CPAP: variants seen among roughly 807,000 people sequenced by gnomAD.
CPAP encodes the protein centrosome assembly and centriole elongation protein.
the CPAP span, chr13:24,905,811 C>A: frequency 1.9e-6 from 3 of 1,614,054 alleles, no homozygotes; most frequent in Middle Eastern, 1.6e-4. Context: ...GTCCTGGTGT[C>A]CTTAAAAGGC....
chr13:24,905,856 T>G, the CPAP span: 3 of 1,614,218 alleles, frequency 1.9e-6, no homozygotes, highest in Non-Finnish European at 2.5e-6. Flanking sequence ...CTATCCTCTC[T>G]GCTGCTGATG....
chr13:24,906,862 A>T, the CPAP span: 2 of 1,614,172 alleles, frequency 1.2e-6, no homozygotes, highest in South Asian at 1.1e-5. Flanking sequence ...TGCCTTTTTG[A>T]AACTTAGATT....
the CPAP span, among the ~76,000 whole-genome samples, chr13:24,920,167 C>T: frequency 6.6e-6 from 1 of 152,180 alleles, no homozygotes; most frequent in Non-Finnish European, 1.5e-5. Flanking sequence ...CTGTTTCCCT[C>T]GCTGATTCAT....
the CPAP span, among the ~76,000 whole-genome samples, chr13:24,917,655 A>C: frequency 6.6e-6 from 1 of 152,236 alleles, no homozygotes; most frequent in African/African-American, 2.4e-5. Context: ...AAAACAGTAC[A>C]AGTTACAGTG....
At chr13:24,915,287 A>G in the CPAP span, among the ~76,000 whole-genome samples, 2 of 152,130 alleles carry the variant, frequency 1.3e-5, no homozygotes, top group African/African-American at 4.8e-5. Flanking sequence ...GGAGGATTGA[A>G]ACAGGTTTTG....
the CPAP span, chr13:24,913,142 C>G: frequency 1.1e-6 from 1 of 871,174 alleles, no homozygotes; most frequent in African/African-American, 1.7e-5. Context: ...CATTAGATGT[C>G]CTACCAAAAA....
At chr13:24,911,272 T>C in the CPAP span, among the ~76,000 whole-genome samples, 1 of 152,144 alleles carries the variant, frequency 6.6e-6, no homozygotes. Flanking sequence ...TACTACAGAG[T>C]GTGGTCAAGA....
the CPAP span, among the ~76,000 whole-genome samples, chr13:24,891,881 G>A: frequency 6.6e-6 from 1 of 152,188 alleles, no homozygotes; most frequent in Non-Finnish European, 1.5e-5. Flanking sequence ...CCCCGTCTCA[G>A]GCCCACTCAG....
At chr13:24,902,829 T>C in the CPAP span, among the ~76,000 whole-genome samples, 32 of 152,292 alleles carry the variant, frequency 2.1e-4, no homozygotes, top group South Asian at 6.2e-3. Context: ...TTTCAGCATT[T>C]GCATAGCAGC....
At chr13:24,887,735 C>T in the CPAP span, among the ~76,000 whole-genome samples, 1 of 152,102 alleles carries the variant, frequency 6.6e-6, no homozygotes, top group South Asian at 2.1e-4. Flanking sequence ...AAAGCCATGC[C>T]CCTTACCCCA....
At chr13:24,903,187 C>T in the CPAP span, among the ~76,000 whole-genome samples, 21 of 152,146 alleles carry the variant, frequency 1.4e-4, no homozygotes, top group Non-Finnish European at 7.4e-5. Flanking sequence ...GGGTAGGAGA[C>T]GATATGTCAT....
chr13:24,907,834 T>C, the CPAP span, among the ~76,000 whole-genome samples: 2 of 152,250 alleles, frequency 1.3e-5, no homozygotes, highest in East Asian at 1.9e-4. Context: ...TCAAGGCAGC[T>C]TGACATATCT....
the CPAP span, among the ~76,000 whole-genome samples, chr13:24,915,760 T>C: frequency 6.6e-6 from 1 of 152,046 alleles, no homozygotes; most frequent in South Asian, 2.1e-4. Flanking sequence ...GATAGCGTTA[T>C]TGCACTCCAG....
the CPAP span, among the ~76,000 whole-genome samples, chr13:24,930,782 ATG>A: frequency 6.6e-6 from 1 of 152,136 alleles, no homozygotes; most frequent in Non-Finnish European, 1.5e-5. Context: ...ATACTAGTGC[ATG>A]TGTCTTTTTG....
At chr13:24,883,950 A>C in the CPAP span, 10 of 1,614,078 alleles carry the variant, frequency 6.2e-6, no homozygotes, top group Non-Finnish European at 8.5e-6. Context: ...CTGTGAACAT[A>C]ATGTTGCCAT....
chr13:24,889,289 T>C, the CPAP span: 9 of 1,467,970 alleles, frequency 6.1e-6, no homozygotes, highest in East Asian at 9.1e-5. Context: ...CTGAAATGTT[T>C]TATAAAAAGA....
the CPAP span, among the ~76,000 whole-genome samples, chr13:24,927,079 A>T: frequency 6.6e-6 from 1 of 152,198 alleles, no homozygotes; most frequent in Non-Finnish European, 1.5e-5. Context: ...GGAGAAGTGC[A>T]CACAGCCAAG....
the CPAP span, among the ~76,000 whole-genome samples, chr13:24,931,986 C>A: frequency 6.6e-6 from 1 of 152,236 alleles, no homozygotes; most frequent in African/African-American, 2.4e-5. Context: ...CGCCTGAGGC[C>A]GGGTCCCGCT....
the CPAP span, chr13:24,883,032 A>G: frequency 2.9e-6 from 2 of 699,830 alleles, no homozygotes; most frequent in Non-Finnish European, 5.0e-6. Context: ...GAATATAAAA[A>G]TGAAGATGCC....
Sources: gnomAD v4.1 joint callset for allele counts (sites outside exome capture counted in the v4.1 genomes callset) on GRCh38, gnomAD v4.1.1 for gene constraint, MANE v1.5 for transcripts, NCBI Gene and HGNC (gene_info 2026-07-23, HGNC 2026-07-21) for gene names.